Variants in ATG4B observed in about 807,000 individuals in gnomAD.
ATG4B encodes autophagy related 4B cysteine peptidase, also known as cysteine protease ATG4B.
ATG4B carries 29 observed loss-of-function variants against 56.6 expected under a neutral mutation model. The ratio of observed to expected loss-of-function variants is 0.51; its 90% CI spans 0.38 to 0.70. The LOEUF is 0.70. Among genes scored for constraint, ATG4B ranks in the 30% least tolerant of loss-of-function variants. The pLI, the probability that ATG4B is intolerant of heterozygous loss-of-function variation, is 0.00. For missense variants in ATG4B, 461 were observed against 515.5 expected (o/e 0.89, Z 1.02); for synonymous variants, 224 against 206.1 (o/e 1.09, Z -0.74).
rs1381094962 is a variant in ATG4B, at chr2:241,668,890, C to T, written c.957+205C>T. The stretch of plus-strand genomic sequence containing the variant: ...CCTCCCCCAGGCACCACCTCCTGTG[C>T]AGCCTTCATGGCCTTCGAGTGGCCC... On this transcript the variant is annotated intron_variant, in intron 10 of 12. Transcript: ENST00000404914. This position sits in a 1 kb window ranked among gnomAD's most constrained non-coding sequence, Gnocchi z 4.2. 2 of 701,594 alleles carry T rather than the reference C, an allele frequency of 2.9e-6. No homozygotes were observed. Among genetic ancestry groups the T allele is most frequent in the Non-Finnish European group, 4.6e-6 (2 of 431,246 alleles). The allele number at this position is 701,594 out of a possible 1,614,324, so 43.5% of individuals were successfully genotyped here.
At chr2:241,664,710 T>A (rs1387351927) in intron 7 of ATG4B, among the ~76,000 whole-genome samples, 1 of 152,138 alleles carries the variant, frequency 6.6e-6, no homozygotes, top group Non-Finnish European at 1.5e-5. Flanking sequence ...ATGTCTGTAA[T>A]CTCAGCACTT....
Position 241,637,737 on chromosome 2 carries a change from C to CG in ATG4B, c.10+18dup. ...AAGATGGACGCAGGTGAGGAGTTGC[C>CG]GGGGGTCGGTCTTTCCGCAGGAGGT... On this transcript the variant is annotated intron_variant, in intron 1 of 12. Coordinates refer to ENST00000404914, the MANE Select transcript of ATG4B (RefSeq NM_013325.5). 2 of 1,573,992 alleles carry CG rather than the reference C, an allele frequency of 1.3e-6. No homozygotes were observed. The highest frequency in any genetic ancestry group is 8.6e-7 in the Non-Finnish European group (1 of 1,163,728).
chr2:241,670,923 T>G, intron 11 of ATG4B, 141 bp downstream of exon 11: 1 of 906,594 alleles, frequency 1.1e-6, no homozygotes. Flanking sequence ...CTGGCACAGC[T>G]ATGTAGCTGA....
chr2:241,671,423 C>G lies in ATG4B; in HGVS notation c.1108+18C>G. 2 of 1,612,844 alleles carry G rather than the reference C, an allele frequency of 1.2e-6. No individual in the cohort carries two copies. Among genetic ancestry groups the G allele is most frequent in the Non-Finnish European group, 1.7e-6 (2 of 1,179,546 alleles). The stretch of plus-strand genomic sequence containing the variant: ...GTCCCTAGGTGAGAGCTGCCAAGTC[C>G]AGGTGGGGTCCCTCGGAGGTACGAT... On this transcript the variant is annotated intron_variant, in intron 12 of 12. Transcript: ENST00000404914.
chr2:241,653,357 T>C, intron 3 of ATG4B, 155 bp from the exon 4 acceptor site: 3 of 1,550,202 alleles, frequency 1.9e-6, no homozygotes, highest in East Asian at 2.4e-5. Context: ...TTGGCGTTAC[T>C]GAGTCCTAAG....
At chr2:241,658,998 C>T (rs1575076792) in intron 6 of ATG4B, 110 bp from the exon 7 acceptor site, 6 of 742,832 alleles carry the variant, frequency 8.1e-6, no homozygotes, top group Non-Finnish European at 1.3e-5. Flanking sequence ...TGGCCCTTCT[C>T]ATCCGAGAAG....
intron 8 of ATG4B, among the ~76,000 whole-genome samples, chr2:241,667,385 C>A (rs926338922): frequency 5.9e-5 from 9 of 151,990 alleles, no homozygotes; most frequent in African/African-American, 2.2e-4. Flanking sequence ...GCGGGCAGAT[C>A]ACGAGGTCAG....
At chr2:241,652,049 T>A in intron 3 of ATG4B, 1 of 1,123,852 alleles carries the variant, frequency 8.9e-7, no homozygotes, top group South Asian at 1.3e-5. Flanking sequence ...GTGGTTTCAT[T>A]CTTTATCCTG....
rs533360386 is a variant in ATG4B, at chr2:241,668,898, A to G, written c.957+213A>G. ...AGGCACCACCTCCTGTGCAGCCTTC[A>G]TGGCCTTCGAGTGGCCCAGAGAGCG... On this transcript the variant is annotated intron_variant, in intron 10 of 12. Transcript: ENST00000404914. This position sits in a 1 kb window ranked among gnomAD's most constrained non-coding sequence, Gnocchi z 4.2. The G allele has an allele frequency of 1.4e-5, 9 of 663,062 alleles. No homozygotes were observed. The East Asian group carries it at 1.7e-4, about 13-fold the overall frequency. 41.1% of individuals were successfully genotyped at this position (663,062 alleles called of 1,614,324 possible).
At position 241,637,703 on chromosome 2, in the gene ATG4B, C is replaced by T. The variant is rs202175200; in HGVS notation, c.-12C>T. The T allele has an allele frequency of 3.2e-4, 505 of 1,583,490 alleles. 1 individual carries two copies. The East Asian group carries it at 0.01, about 32-fold the overall frequency. Reference sequence around the variant, plus strand: ...GACGCCGCTCGGGTCAGTCGGCGGCCGGACTGGGAAGATGGACGCAGGTGA... The same window carrying T: ...GACGCCGCTCGGGTCAGTCGGCGGCTGGACTGGGAAGATGGACGCAGGTGA... On this transcript the variant is annotated 5_prime_UTR_variant, in exon 1 of 13. Coordinates refer to ENST00000404914, the MANE Select transcript of ATG4B (RefSeq NM_013325.5).
Position 241,664,404 on chromosome 2 carries a change from G to C in ATG4B, c.539-2241G>C, listed in dbSNP as rs578238113. 3.9e-5 allele frequency among the ~76,000 whole-genome samples: 6 copies of C among 152,188 alleles called. No homozygotes were observed. The East Asian group carries it at 1.2e-3, about 29-fold the overall frequency. ...AACAAAAAAACTAGCCGGACATGGGGGCATGTACCTGTAGTCCCACCTACT... is the reference window on the plus strand; with the variant it reads ...AACAAAAAAACTAGCCGGACATGGGCGCATGTACCTGTAGTCCCACCTACT... On this transcript the variant is annotated intron_variant, in intron 7 of 12. Transcript: ENST00000404914.
rs552781194 is a variant in ATG4B, at chr2:241,670,425, G to A, written c.958-301G>A. On this transcript the variant is annotated intron_variant, in intron 10 of 12. Coordinates refer to ENST00000404914, the MANE Select transcript of ATG4B (RefSeq NM_013325.5). ...CCCACTTGGCCCTAACTCATAACCT[G>A]CCCCAATCCCGGAACACTCGGTGAG... is the stretch of plus-strand genomic sequence containing the variant. The A allele has an allele frequency of 6.5e-4, 297 of 460,196 alleles. 2 individuals carry two copies. The Middle Eastern group carries it at 0.016, about 25-fold the overall frequency. The allele number at this position is 460,196 out of a possible 1,614,324, so 28.5% of individuals were successfully genotyped here.
chr2:241,638,964 G>A (rs1025905567), intron 1 of ATG4B, among the ~76,000 whole-genome samples: 1 of 152,232 alleles, frequency 6.6e-6, no homozygotes, highest in African/African-American at 2.4e-5. Context: ...GGCAGCCAGA[G>A]ACCTCCGGCT....
chr2:241,644,880 C>T lies in ATG4B; in HGVS notation c.11-6130C>T, dbSNP rs867118950. Among the ~76,000 whole-genome samples the T allele has an allele frequency of 7.3e-5, 11 of 150,224 alleles. No homozygotes were observed. The South Asian group carries it at 8.4e-4, about 11-fold the overall frequency. ...AGGAGAATCGCTTGAAACCGGGAGG[C>T]GGAGGTTGCAGTGAGCCGAGATCGT... On this transcript the variant is annotated intron_variant, in intron 1 of 12. Coordinates refer to ENST00000404914, the MANE Select transcript of ATG4B (RefSeq NM_013325.5).
rs756772354 is a variant in ATG4B, at chr2:241,673,315, C to T, written c.*1051C>T. 40 of 349,896 alleles carry T rather than the reference C, an allele frequency of 1.1e-4. No individual in the cohort carries two copies. Among genetic ancestry groups the T allele is most frequent in the Non-Finnish European group, 1.2e-4 (22 of 176,060 alleles). 21.7% of individuals were successfully genotyped at this position (349,896 alleles called of 1,614,324 possible). On this transcript the variant is annotated 3_prime_UTR_variant, in exon 13 of 13. Coordinates refer to ENST00000404914, the MANE Select transcript of ATG4B (RefSeq NM_013325.5). ...CCTGACCCTGTGTAACCTGCTGTCC[C>T]GGGTCCCAGAGTGCACTCTGCCCCG... is the stretch of plus-strand genomic sequence containing the variant.
At chr2:241,669,278 C>T (rs1328636356) in intron 10 of ATG4B, among the ~76,000 whole-genome samples, 1 of 152,114 alleles carries the variant, frequency 6.6e-6, no homozygotes, top group East Asian at 1.9e-4. Flanking sequence ...AAAAACCCCC[C>T]TAGAAATCAT....
rs755693539 is a variant in ATG4B, at chr2:241,655,322, A to G, written c.437A>G (p.Asn146Ser). 1.9e-6 allele frequency: 3 copies of G among 1,611,208 alleles called. No homozygotes were observed. The highest frequency in any genetic ancestry group is 3.4e-5 in the Admixed American group (2 of 59,676). The change falls in exon 6 of 13, where the codon AAC (asparagine) becomes AGC (serine). Residue 146 changes from asparagine (N) to serine (S), a missense_variant. Coordinates refer to ENST00000404914, the MANE Select transcript of ATG4B (RefSeq NM_013325.5). ...GKSIGQWYGPNTVAQVLKKLA... is the reference protein window; with the variant it reads ...GKSIGQWYGPSTVAQVLKKLA... ...TCCATAGGCCAGTGGTACGGGCCCAACACTGTCGCCCAGGTCCTGAAGTAT... is the reference window on the plus strand; with the variant it reads ...TCCATAGGCCAGTGGTACGGGCCCAGCACTGTCGCCCAGGTCCTGAAGTAT...
intron 1 of ATG4B, among the ~76,000 whole-genome samples, chr2:241,649,970 G>C (rs2068181136): frequency 6.6e-6 from 1 of 152,096 alleles, no homozygotes; most frequent in South Asian, 2.1e-4. Context: ...TTTTAGTAGA[G>C]ACGGAGTTTC....
intron 1 of ATG4B, among the ~76,000 whole-genome samples, chr2:241,638,566 C>T (rs1575048742): frequency 6.6e-6 from 1 of 152,156 alleles, no homozygotes; most frequent in Non-Finnish European, 1.5e-5. Flanking sequence ...CAAGTATCCC[C>T]CATCTGTAAA....
Sources: allele counts gnomAD v4.1 joint callset (sites outside exome capture counted in the v4.1 genomes callset), GRCh38; gene constraint gnomAD v4.1.1; non-coding constraint Gnocchi (gnomAD v3.1); transcripts MANE v1.5; gene names NCBI Gene and HGNC (gene_info 2026-07-23, HGNC 2026-07-21).